EZH2: variants seen among roughly 807,000 people sequenced by gnomAD.
The protein encoded by EZH2 is histone-lysine N-methyltransferase EZH2.
In EZH2, 18 loss-of-function variants were observed where a neutral mutation model predicts 98.4. That is an observed-to-expected ratio of 0.18 (90% confidence interval 0.13 to 0.27). The LOEUF is 0.27. Among genes scored for constraint, EZH2 ranks in the 10% least tolerant of loss-of-function variants. The probability of loss-of-function intolerance (pLI) is 1.00; values close to 1 mark genes in which losing one functional copy is unlikely to be tolerated. For synonymous variants in EZH2, 338 were observed against 312.3 expected, an observed-to-expected ratio of 1.08 and a Z score of -0.87; for missense variants, 470 against 935.1, an observed-to-expected ratio of 0.50 and a Z score of 6.49.
intron 8 of EZH2, among the ~76,000 whole-genome samples, chr7:148,822,592 C>T (rs188493460): frequency 2.0e-5 from 3 of 151,642 alleles, no homozygotes. Context: ...TTCAAAAAAC[C>T]TAATTTCCTG....
chr7:148,855,304 G>C (rs1816627596), intron 1 of EZH2, among the ~76,000 whole-genome samples: 1 of 152,232 alleles, frequency 6.6e-6, no homozygotes, highest in Non-Finnish European at 1.5e-5. Flanking sequence ...CAAATTCCAA[G>C]TAATAAACTA....
intron 1 of EZH2, among the ~76,000 whole-genome samples, chr7:148,880,918 A>G (rs1470627514): frequency 1.3e-5 from 2 of 152,266 alleles, no homozygotes; most frequent in African/African-American, 4.8e-5. Flanking sequence ...TTACAATACA[A>G]TTGAGTCATG....
chr7:148,828,666 C>A, intron 6 of EZH2, 74 bp downstream of exon 6: 1 of 1,489,906 alleles, frequency 6.7e-7, no homozygotes. Flanking sequence ...GAAACTAAGC[C>A]CTATTTCTAC....
At chr7:148,809,970 C>A (rs899046390) in intron 17 of EZH2, among the ~76,000 whole-genome samples, 10 of 152,248 alleles carry the variant, frequency 6.6e-5, no homozygotes, top group Non-Finnish European at 1.3e-4. Context: ...GTTGCAAATG[C>A]AGTGCTCCTC....
At chr7:148,838,063 C>CTTTTTTTTTTTTTTT (rs35838307) in intron 3 of EZH2, among the ~76,000 whole-genome samples, 1 of 100,512 alleles carries the variant, frequency 9.9e-6, no homozygotes. Context: ...GTTTAGACTC[C>CTTTTTTTTTTTTTTT]TTTTTTTTTT....
At chr7:148,854,296 C>A (rs1420713207) in intron 1 of EZH2, among the ~76,000 whole-genome samples, 1 of 148,888 alleles carries the variant, frequency 6.7e-6, no homozygotes, top group Non-Finnish European at 1.5e-5. Context: ...ATTAGCCAGG[C>A]GTGGTGGCGG....
chr7:148,856,691 G>A (rs1051353011), intron 1 of EZH2, among the ~76,000 whole-genome samples: 3 of 152,184 alleles, frequency 2.0e-5, no homozygotes, highest in African/African-American at 7.2e-5. Context: ...ATAGGTCCGA[G>A]ACTGGAAGCA....
At chr7:148,836,287 C>A (rs959064466) in intron 3 of EZH2, among the ~76,000 whole-genome samples, 2 of 152,204 alleles carry the variant, frequency 1.3e-5, no homozygotes, top group Non-Finnish European at 2.9e-5. Context: ...TCTACCCCCA[C>A]CTCACTGTAT....
At chr7:148,848,194 T>C (rs1814686568) in intron 1 of EZH2, among the ~76,000 whole-genome samples, 1 of 152,212 alleles carries the variant, frequency 6.6e-6, no homozygotes, top group African/African-American at 2.4e-5. Flanking sequence ...TTGTGCTTTA[T>C]CTTAAGAACA....
chr7:148,827,481 G>T (rs1032528096), intron 6 of EZH2, among the ~76,000 whole-genome samples: 1 of 152,114 alleles, frequency 6.6e-6, no homozygotes, highest in Non-Finnish European at 1.5e-5. Flanking sequence ...AGCTTTAAGA[G>T]CACTGGGAAG....
chr7:148,850,890 T>C (rs1466349222), intron 1 of EZH2, among the ~76,000 whole-genome samples: 2 of 152,230 alleles, frequency 1.3e-5, no homozygotes, highest in East Asian at 3.9e-4. Context: ...CTGACAGCAA[T>C]AACTAATGGT....
chr7:148,848,716 AAAT>A (rs1814865321), intron 1 of EZH2, among the ~76,000 whole-genome samples: 1 of 152,186 alleles, frequency 6.6e-6, no homozygotes, highest in African/African-American at 2.4e-5. Context: ...ATGAATATAC[AAAT>A]ATTATTAAAT....
At position 148,828,804 on chromosome 7, in the gene EZH2, A is replaced by G; in HGVS notation, c.561T>C (p.Asp187=). Residue 187 remains aspartate, a synonymous_variant, in exon 6 of 20, where the codon GAT becomes GAC. Coordinates refer to ENST00000320356, the MANE Select transcript of EZH2 (RefSeq NM_004456.5). ...TTTCTTCAGGATCGTCTCCATCATC[A>G]TCATCGTCATCATCATTATATTGAC... ...ALGQYNDDDD[D]DDGDDPEERE... The G allele has an allele frequency of 6.2e-7, 1 of 1,613,894 alleles. No homozygotes were observed. Among genetic ancestry groups the G allele is most frequent in the East Asian group, 2.2e-5 (1 of 44,854 alleles).
intron 1 of EZH2, among the ~76,000 whole-genome samples, chr7:148,855,173 G>T (rs1816608679): frequency 6.6e-6 from 1 of 152,234 alleles, no homozygotes; most frequent in South Asian, 2.1e-4. Flanking sequence ...GTGTCCATAA[G>T]GATTATTGGC....
chr7:148,822,698 G>GT (rs1435340472), intron 8 of EZH2, among the ~76,000 whole-genome samples: 1 of 151,880 alleles, frequency 6.6e-6, no homozygotes, highest in African/African-American at 2.4e-5. Context: ...TCCTAGCACT[G>GT]TGAGAGGCTG....
intron 1 of EZH2, among the ~76,000 whole-genome samples, chr7:148,879,852 C>T (rs773215629): frequency 2.9e-4 from 44 of 151,222 alleles, no homozygotes; most frequent in Middle Eastern, 3.5e-3. Flanking sequence ...AGCCTGTCAT[C>T]CCTGTACTTT....
Position 148,881,268 on chromosome 7 carries a change from C to G in EZH2, c.-8+2896G>C, listed in dbSNP as rs139633461. 2.4e-3 allele frequency among the ~76,000 whole-genome samples: 373 copies of G among 152,268 alleles called. 2 individuals carry two copies. Among genetic ancestry groups the G allele is most frequent in the Non-Finnish European group, 4.1e-3 (276 of 68,020 alleles). ...ATCACTGCTCATGTAAAGGGTAATACTGAAATAAATTCAGAATCCTTGAGC... is the reference window on the plus strand; with the variant it reads ...ATCACTGCTCATGTAAAGGGTAATAGTGAAATAAATTCAGAATCCTTGAGC... On this transcript the variant is annotated intron_variant, in intron 1 of 19. Transcript: ENST00000320356.
At chr7:148,836,934 G>A (rs746998591) in intron 3 of EZH2, 2 of 511,856 alleles carry the variant, frequency 3.9e-6, no homozygotes, top group South Asian at 3.1e-5. Flanking sequence ...GAGACTCTTG[G>A]CAGAAGGCTG....
At chr7:148,848,379 G>A (rs2129485730) in intron 1 of EZH2, among the ~76,000 whole-genome samples, 1 of 152,284 alleles carries the variant, frequency 6.6e-6, no homozygotes. Flanking sequence ...AGTTGCTTAG[G>A]CCAAAATTCC....
Sources: gnomAD v4.1 joint callset for allele counts (sites outside exome capture counted in the v4.1 genomes callset) on GRCh38, gnomAD v4.1.1 for gene constraint, MANE v1.5 for transcripts, NCBI Gene and HGNC (gene_info 2026-07-23, HGNC 2026-07-21) for gene names.